Variants in RBFOX1 observed in about 807,000 individuals in gnomAD.
RBFOX1 encodes RNA binding protein fox-1 homolog 1.
A neutral mutation model predicts 57.7 loss-of-function variants in RBFOX1; 8 were observed. The ratio of observed to expected loss-of-function variants is 0.14; its 90% CI spans 0.08 to 0.25. The LOEUF (loss-of-function observed/expected upper bound fraction) is 0.25, where lower values mean the gene tolerates loss of function less well. Ranked by LOEUF, RBFOX1 falls within the 10% of genes least tolerant of loss-of-function variation. RBFOX1 has a pLI of 1.00. For synonymous variants in RBFOX1, 326 were observed against 222.4 expected (o/e 1.47, Z -4.15); for missense variants, 611 against 548.5 (o/e 1.11, Z -1.14).
intron 4 of RBFOX1, among the ~76,000 whole-genome samples, chr16:5,940,303 G>A (rs2059253389): frequency 6.6e-6 from 1 of 152,140 alleles, no homozygotes; most frequent in South Asian, 2.1e-4. Context: ...GAACTAGATG[G>A]TCCCTAAAGC....
downstream of RBFOX1, chr16:5,601,733 T>G (rs1467597051): frequency 6.6e-6 from 1 of 152,214 alleles, no homozygotes; most frequent in African/African-American, 2.4e-5. Context: ...AGCAGGAAAG[T>G]GACTTACTAA....
chr16:6,922,901 C>G (rs186948964), intron 3 of RBFOX1, among the ~76,000 whole-genome samples: 2 of 152,110 alleles, frequency 1.3e-5, no homozygotes, highest in African/African-American at 2.4e-5. Context: ...ACAAGGGGGT[C>G]TATATGTCTG....
At chr16:6,478,356 G>A (rs1305721030) in intron 2 of RBFOX1, among the ~76,000 whole-genome samples, 22 of 128,780 alleles carry the variant, frequency 1.7e-4, no homozygotes, top group Non-Finnish European at 3.2e-4. Flanking sequence ...CCAAGTAGCT[G>A]GGATTACAGG....
chr16:7,315,322 G>A (rs547124549), intron 4 of RBFOX1, among the ~76,000 whole-genome samples: 6 of 151,896 alleles, frequency 4.0e-5, no homozygotes, highest in Non-Finnish European at 8.8e-5. Flanking sequence ...CTTGATTTTA[G>A]GAAATGCTCT....
intron 2 of RBFOX1, among the ~76,000 whole-genome samples, chr16:6,396,555 G>A (rs1041423124): frequency 3.3e-5 from 5 of 152,160 alleles, no homozygotes; most frequent in Admixed American, 6.5e-5. Flanking sequence ...ATAGCTGGAC[G>A]ACTGAAAGAA....
intron 4 of RBFOX1, among the ~76,000 whole-genome samples, chr16:6,000,327 A>G (rs1032482589): frequency 4.6e-5 from 7 of 152,168 alleles, no homozygotes; most frequent in African/African-American, 1.7e-4. Context: ...GACATGATGA[A>G]GATCATGCCA....
chr16:6,821,975 G>A (rs1385706958), intron 3 of RBFOX1, among the ~76,000 whole-genome samples: 2 of 152,178 alleles, frequency 1.3e-5, no homozygotes, highest in African/African-American at 4.8e-5. Context: ...ACTGTTTGGG[G>A]ATGGATGATA....
intron 1 of RBFOX1, among the ~76,000 whole-genome samples, chr16:5,375,298 C>T (rs944194193): frequency 1.2e-4 from 18 of 151,984 alleles, no homozygotes; most frequent in African/African-American, 4.4e-4. Flanking sequence ...TTCTAGGGAA[C>T]CCACCATAGG....
intron 1 of RBFOX1, among the ~76,000 whole-genome samples, chr16:5,462,187 G>A (rs1302963783): frequency 1.1e-4 from 7 of 62,316 alleles, no homozygotes; most frequent in African/African-American, 4.1e-4. Context: ...TTTTTTTTTT[G>A]AGATGGAGTC....
intron 1 of RBFOX1, among the ~76,000 whole-genome samples, chr16:6,259,812 G>T (rs7200010): frequency 0.2 from 30,070 of 151,714 alleles, 5,160 homozygotes; most frequent in African/African-American, 0.47. Context: ...ACAAAAAAAA[G>T]TAGCCAGGCC....
At chr16:7,394,826 C>A (rs373907860) in intron 4 of RBFOX1, among the ~76,000 whole-genome samples, 2 of 152,116 alleles carry the variant, frequency 1.3e-5, no homozygotes, top group Non-Finnish European at 2.9e-5. Context: ...TCCAGGATTC[C>A]TCTGCCTTAT....
At chr16:6,326,871 AG>A (rs1394482711) in intron 2 of RBFOX1, among the ~76,000 whole-genome samples, 5 of 152,268 alleles carry the variant, frequency 3.3e-5, no homozygotes, top group African/African-American at 1.2e-4. Context: ...CAGCCGGTGC[AG>A]GTGTGGCTCC....
intron 3 of RBFOX1, among the ~76,000 whole-genome samples, chr16:5,816,173 C>T (rs2055627282): frequency 6.6e-6 from 1 of 152,142 alleles, no homozygotes; most frequent in African/African-American, 2.4e-5. Flanking sequence ...TAAAGATGCT[C>T]CTCATCCTTC....
intron 1 of RBFOX1, among the ~76,000 whole-genome samples, chr16:5,330,702 G>A (rs2064728963): frequency 6.7e-6 from 1 of 149,714 alleles, no homozygotes; most frequent in Non-Finnish European, 1.5e-5. Flanking sequence ...AGTTTGCCCA[G>A]CCTACTTTTT....
At position 5,962,515 on chromosome 16, in the gene RBFOX1, C is replaced by A. The variant is rs920684443; in HGVS notation, c.351+95180C>A. Among the ~76,000 whole-genome samples the A allele has an allele frequency of 4.6e-5, 7 of 152,292 alleles. No individual in the cohort carries two copies. In the East Asian group the frequency reaches 1.4e-3, roughly 29 times the overall value. ...TTTTCTTCACTTCACATCATCCTCTCTGGCCTAAAATGTCTTTACTCCTTT... is the reference window on the plus strand; with the variant it reads ...TTTTCTTCACTTCACATCATCCTCTATGGCCTAAAATGTCTTTACTCCTTT... On this transcript the variant is annotated intron_variant, in intron 4 of 19. Coordinates refer to the RBFOX1 transcript ENST00000641259.
In RBFOX1 at chr16:5,831,096, C is replaced by T. The variant is rs555776614; in HGVS notation, c.319-36207C>T. ...ATACGAGCATCTTTAACAGTACGTGCCACAGAGTAGGCATTTGATGTGGTT... is the reference window on the plus strand; with the variant it reads ...ATACGAGCATCTTTAACAGTACGTGTCACAGAGTAGGCATTTGATGTGGTT... On this transcript the variant is annotated intron_variant, in intron 3 of 19. Transcript: ENST00000641259. Among the ~76,000 whole-genome samples the T allele has an allele frequency of 2.0e-5, 3 of 152,296 alleles. No homozygotes were observed. The South Asian group carries it at 6.2e-4, about 32-fold the overall frequency.
rs896891016 is a variant in RBFOX1 at position 6,367,639 on chromosome 16, C to A, written c.-64+50582C>A. ...ATTGTGAATATGTAAATAAAAATAC[C>A]ATGAGAACATGGGAGAGGGAGCTGG... On this transcript the variant is annotated intron_variant, in intron 2 of 15. Transcript: ENST00000550418. Among the ~76,000 whole-genome samples, 6 of 151,752 alleles carry A rather than the reference C, an allele frequency of 4.0e-5. No homozygotes were observed. The South Asian group carries it at 1.0e-3, about 26-fold the overall frequency.
chr16:7,061,072 G>A (rs947153092), intron 4 of RBFOX1, among the ~76,000 whole-genome samples: 2 of 151,520 alleles, frequency 1.3e-5, no homozygotes, highest in Non-Finnish European at 1.5e-5. Context: ...GGAAAAAACT[G>A]GCAGAAGTTT....
At chr16:6,912,209 C>T (rs769786090) in intron 3 of RBFOX1, among the ~76,000 whole-genome samples, 1 of 152,146 alleles carries the variant, frequency 6.6e-6, no homozygotes, top group Non-Finnish European at 1.5e-5. Flanking sequence ...GGAGTAATTT[C>T]TCTAATGTGG....
Sources: allele counts gnomAD v4.1 joint callset (sites outside exome capture counted in the v4.1 genomes callset), GRCh38; gene constraint gnomAD v4.1.1; transcripts MANE v1.5; gene names NCBI Gene and HGNC (gene_info 2026-07-23, HGNC 2026-07-21).